Variants in MACROD2 observed in about 807,000 individuals in gnomAD.
MACROD2 encodes mono-ADP ribosylhydrolase 2, also known as ADP-ribose glycohydrolase MACROD2.
A neutral mutation model predicts 70.4 loss-of-function variants in MACROD2; 36 were observed. The observed-to-expected ratio is 0.51, with a 90% CI of 0.39 to 0.68. The LOEUF is 0.68. MACROD2 is among the 30% of genes least tolerant of loss of function. The probability of loss-of-function intolerance (pLI) is 0.00; values close to 1 mark genes in which losing one functional copy is unlikely to be tolerated. For missense variants in MACROD2, 496 were observed against 538.4 expected, an observed-to-expected ratio of 0.92 and a Z score of 0.78; for synonymous variants, 172 against 178.8, an observed-to-expected ratio of 0.96 and a Z score of 0.30.
intron 3 of MACROD2, among the ~76,000 whole-genome samples, chr20:14,189,489 TTATC>T (rs1213548607): frequency 2.0e-5 from 3 of 152,190 alleles, no homozygotes; most frequent in Non-Finnish European, 4.4e-5. Context: ...TTATTTATAT[TTATC>T]TATCTACCTC....
chr20:15,045,777 A>G (rs2075390116), intron 5 of MACROD2, among the ~76,000 whole-genome samples: 2 of 121,066 alleles, frequency 1.7e-5, no homozygotes, highest in Non-Finnish European at 3.2e-5. Flanking sequence ...CTTTTGGACT[A>G]TCTACACAAA....
At chr20:15,823,082 A>G (rs1203146558) in intron 8 of MACROD2, among the ~76,000 whole-genome samples, 1 of 152,228 alleles carries the variant, frequency 6.6e-6, no homozygotes, top group African/African-American at 2.4e-5. Context: ...ATATTCACAA[A>G]TGCCTCATAA....
At chr20:14,550,154 C>G (rs1978558611) in intron 4 of MACROD2, among the ~76,000 whole-genome samples, 1 of 152,056 alleles carries the variant, frequency 6.6e-6, no homozygotes. Flanking sequence ...AACTCCTGAC[C>G]TCAGGTGATC....
intron 3 of MACROD2, among the ~76,000 whole-genome samples, chr20:14,226,995 C>A (rs1221221864): frequency 1.3e-5 from 2 of 152,226 alleles, no homozygotes; most frequent in Admixed American, 1.3e-4. Flanking sequence ...CGTGGAGAAC[C>A]TTTATGTCTA....
chr20:15,282,349 A>G (rs1441874268), intron 6 of MACROD2, among the ~76,000 whole-genome samples: 1 of 152,206 alleles, frequency 6.6e-6, no homozygotes, highest in Non-Finnish European at 1.5e-5. Context: ...TCGTATTGTC[A>G]GGCTGCAAAT....
intron 8 of MACROD2, among the ~76,000 whole-genome samples, chr20:15,568,142 G>A (rs2048332447): frequency 6.6e-6 from 1 of 152,140 alleles, no homozygotes; most frequent in South Asian, 2.1e-4. Flanking sequence ...CTGTGGACTT[G>A]CTATCTCCTA....
intron 8 of MACROD2, among the ~76,000 whole-genome samples, chr20:15,636,076 G>GGAAAAAAAAA (rs761781857): frequency 7.0e-5 from 6 of 85,830 alleles, no homozygotes; most frequent in African/African-American, 2.4e-4. Flanking sequence ...CCTCTCAAAA[G>GGAAAAAAAAA]AAAAAAAAAA....
At chr20:15,610,289 A>G (rs1340266410) in intron 8 of MACROD2, among the ~76,000 whole-genome samples, 2 of 152,184 alleles carry the variant, frequency 1.3e-5, no homozygotes, top group East Asian at 1.9e-4. Flanking sequence ...TTAAAATAAC[A>G]GAAATGTATT....
intron 5 of MACROD2, among the ~76,000 whole-genome samples, chr20:15,009,005 G>A (rs2075061608): frequency 6.6e-6 from 1 of 152,054 alleles, no homozygotes; most frequent in South Asian, 2.1e-4. Flanking sequence ...TCTTTACTCA[G>A]AGAAACAGGA....
intron 8 of MACROD2, among the ~76,000 whole-genome samples, chr20:15,645,661 A>G (rs1397853280): frequency 6.6e-6 from 1 of 152,226 alleles, no homozygotes; most frequent in Non-Finnish European, 1.5e-5. Flanking sequence ...AAGAAACCTC[A>G]TGAGTTCCCT....
At chr20:14,243,615 T>C (rs1473837894) in intron 3 of MACROD2, among the ~76,000 whole-genome samples, 1 of 152,182 alleles carries the variant, frequency 6.6e-6, no homozygotes, top group African/African-American at 2.4e-5. Context: ...ATTTCTGACA[T>C]TGGGTAAATT....
At chr20:14,541,546 G>A (rs777432791) in intron 4 of MACROD2, among the ~76,000 whole-genome samples, 7 of 151,706 alleles carry the variant, frequency 4.6e-5, no homozygotes, top group Non-Finnish European at 8.8e-5. Context: ...TTAACTTACT[G>A]TTGTATCTTC....
intron 8 of MACROD2, among the ~76,000 whole-genome samples, chr20:15,505,697 T>C (rs1321455865): frequency 6.6e-6 from 1 of 152,054 alleles, no homozygotes; most frequent in Non-Finnish European, 1.5e-5. Context: ...AATGGAGAAG[T>C]GTTTGGTTCA....
At chr20:15,334,866 A>G (rs891862700) in intron 6 of MACROD2, among the ~76,000 whole-genome samples, 2 of 151,758 alleles carry the variant, frequency 1.3e-5, no homozygotes, top group African/African-American at 4.9e-5. Flanking sequence ...TTTGGTCTGA[A>G]AATAAGAGAA....
At chr20:15,032,825 C>A (rs2075285894) in intron 5 of MACROD2, among the ~76,000 whole-genome samples, 1 of 152,152 alleles carries the variant, frequency 6.6e-6, no homozygotes, top group Non-Finnish European at 1.5e-5. Context: ...GGAAACACCC[C>A]AAATGGCCAT....
At chr20:15,663,177 A>G (rs990710346) in intron 8 of MACROD2, among the ~76,000 whole-genome samples, 18 of 151,906 alleles carry the variant, frequency 1.2e-4, no homozygotes, top group African/African-American at 4.3e-4. Context: ...GAAATGGATG[A>G]ATGAGATCTC....
At chr20:14,785,901 A>G (rs755086289) in intron 5 of MACROD2, among the ~76,000 whole-genome samples, 2 of 152,022 alleles carry the variant, frequency 1.3e-5, no homozygotes, top group Non-Finnish European at 2.9e-5. Context: ...AAAAAGGGGG[A>G]GCAAGGAAAA....
In MACROD2 at chr20:14,951,893, T is replaced by A. The variant is rs934521034; in HGVS notation, c.418+266934T>A. Among the ~76,000 whole-genome samples the A allele has an allele frequency of 1.2e-3, 174 of 148,532 alleles. 2 individuals carry two copies. The highest frequency in any genetic ancestry group is 3.9e-3 in the African/African-American group (156 of 40,124). On this transcript the variant is annotated intron_variant, in intron 5 of 17. Coordinates refer to ENST00000684519, the MANE Select transcript of MACROD2 (RefSeq NM_001351661.2). ...ATGACAGAGGATAAAGTGTCCTCCC[T>A]CCCCTTCAGGGCAGCTTCTCCATTT...
intron 6 of MACROD2, among the ~76,000 whole-genome samples, chr20:15,246,842 AATAG>A (rs552482698): frequency 1.3e-5 from 2 of 152,356 alleles, no homozygotes; most frequent in South Asian, 4.1e-4. Context: ...CCACCTGATG[AATAG>A]ATAAACAAAC....
Sources: allele counts gnomAD v4.1 joint callset (sites outside exome capture counted in the v4.1 genomes callset), GRCh38; gene constraint gnomAD v4.1.1; transcripts MANE v1.5; gene names NCBI Gene and HGNC (gene_info 2026-07-23, HGNC 2026-07-21).